Variants in BICC1 observed in about 807,000 individuals in gnomAD.
BICC1 encodes the protein BicC family RNA binding protein 1.
A neutral mutation model predicts 111.0 loss-of-function variants in BICC1; 43 were observed. That is an observed-to-expected ratio of 0.39 (90% CI 0.30 to 0.50). BICC1 has a LOEUF of 0.50. Ranked by LOEUF, BICC1 falls within the 20% of genes least tolerant of loss-of-function variation. BICC1 has a pLI of 0.88. For missense variants in BICC1, 1,091 were observed against 1,203.2 expected, an observed-to-expected ratio of 0.91 and a Z score of 1.38; for synonymous variants, 467 against 434.4, an observed-to-expected ratio of 1.07 and a Z score of -0.93.
At position 58,817,722 on chromosome 10, in the gene BICC1, G is replaced by A. The variant is rs1844139090; in HGVS notation, c.2694G>A (p.Glu898=). 1 of 1,600,394 alleles carries A rather than the reference G, an allele frequency of 6.2e-7. No individual in the cohort carries two copies. The highest frequency in any genetic ancestry group is 1.3e-5 in the African/African-American group (1 of 74,186). The change falls in exon 19 of 21, where the codon GAG becomes GAA. Residue 898 remains glutamate, a splice_region_variant and synonymous_variant. Coordinates refer to ENST00000373886, the MANE Select transcript of BICC1 (RefSeq NM_001080512.3). ...ACACAGATGTTTTCCAGCAACAAGAGGTCAGTCATTATTTATTTTCCCAAG... is the reference window on the plus strand; with the variant it reads ...ACACAGATGTTTTCCAGCAACAAGAAGTCAGTCATTATTTATTTTCCCAAG... ...GKYTDVFQQQ[E]IDLQTFLTLT... is the part of the protein sequence containing the mutation.
intron 2 of BICC1, among the ~76,000 whole-genome samples, chr10:58,630,910 G>A (rs1048336531): frequency 5.9e-5 from 9 of 151,944 alleles, no homozygotes; most frequent in East Asian, 3.9e-4. Context: ...GCAATACTAC[G>A]GTAAAATATT....
At chr10:58,798,321 C>A in intron 10 of BICC1, 78 bp from the exon 11 acceptor site, 2 of 1,072,174 alleles carry the variant, frequency 1.9e-6, no homozygotes, top group Non-Finnish European at 2.6e-6. Context: ...TGTGCATTCC[C>A]AATGGCAATA....
rs561800728 is a variant in BICC1, at chr10:58,582,904, T to C, written c.191-37951T>C. 2.0e-4 allele frequency among the ~76,000 whole-genome samples: 30 copies of C among 152,300 alleles called. No individual in the cohort carries two copies. In the East Asian group the frequency reaches 5.0e-3, roughly 25 times the overall value. On this transcript the variant is annotated intron_variant, in intron 1 of 20. Coordinates refer to ENST00000373886, the MANE Select transcript of BICC1 (RefSeq NM_001080512.3). ...TAATCTTATTTTTAGGCCAGCTGCT[T>C]AGCAATCTTACTTCCATCTGCAACC...
Position 58,807,112 on chromosome 10 carries a change from G to C in BICC1, c.2330G>C (p.Arg777Thr). ...MPAETIKELR[R>T]ANHVSYKPTM... Reference sequence around the variant, plus strand: ...GCTGAAACTATCAAGGAGTTGAGAAGGGCCAATCATGTGTCCTATAAGCCC... The same window carrying C: ...GCTGAAACTATCAAGGAGTTGAGAACGGCCAATCATGTGTCCTATAAGCCC... The change falls in exon 17 of 21, where the codon AGG (arginine) becomes ACG (threonine). Residue 777 changes from arginine to threonine, a missense_variant. Transcript: ENST00000373886. 2 of 1,613,902 alleles carry C rather than the reference G, an allele frequency of 1.2e-6. No individual in the cohort carries two copies. The highest frequency in any genetic ancestry group is 1.7e-6 in the Non-Finnish European group (2 of 1,179,862).
intron 3 of BICC1, among the ~76,000 whole-genome samples, chr10:58,704,192 A>G (rs1840323369): frequency 6.6e-6 from 1 of 152,212 alleles, no homozygotes; most frequent in South Asian, 2.1e-4. Context: ...CCTGGTTAAA[A>G]TTAACCTTTG....
rs1021896863 is a variant in BICC1, at chr10:58,817,453, A to G, written c.2534-109A>G. 30 of 1,201,254 alleles carry G rather than the reference A, an allele frequency of 2.5e-5. No individual in the cohort carries two copies. The African/African-American group carries it at 4.0e-4, about 16-fold the overall frequency. The allele number at this position is 1,201,254 out of a possible 1,614,324, so 74.4% of individuals were successfully genotyped here. On this transcript the variant is annotated intron_variant, in intron 18 of 20. Coordinates refer to ENST00000373886, the MANE Select transcript of BICC1 (RefSeq NM_001080512.3). Reference sequence around the variant, plus strand: ...GCTGTATTTCTACAGCTACTGCCCTATTCAGCTGAACAATGGAAGTTGAAA... The same window carrying G: ...GCTGTATTTCTACAGCTACTGCCCTGTTCAGCTGAACAATGGAAGTTGAAA...
chr10:58,816,745 C>CTGTG lies in BICC1; in HGVS notation c.2534-770_2534-767dup, dbSNP rs56310772. The stretch of plus-strand genomic sequence containing the variant: ...CTGCACTCTGCTGAAATCTCCAAGG[C>CTGTG]TGTGTGTGTGTGTGTGTGTGTGTGT... On this transcript the variant is annotated intron_variant, in intron 18 of 20. Coordinates refer to ENST00000373886, the MANE Select transcript of BICC1 (RefSeq NM_001080512.3). Among the ~76,000 whole-genome samples, 595 of 122,132 alleles carry CTGTG rather than the reference C, an allele frequency of 4.9e-3. 5 individuals are homozygous for CTGTG. The highest frequency in any genetic ancestry group is 0.012 in the African/African-American group (385 of 31,828). 80.1% of individuals were successfully genotyped at this position (122,132 alleles called of 152,430 possible).
intron 20 of BICC1, chr10:58,823,227 T>C: frequency 2.0e-6 from 2 of 985,260 alleles, no homozygotes; most frequent in Non-Finnish European, 1.2e-6. Flanking sequence ...TTCTTTTAGT[T>C]TGTGACTCTG....
chr10:58,799,334 A>AAT, intron 12 of BICC1, 82 bp downstream of exon 12: 1 of 1,132,718 alleles, frequency 8.8e-7, no homozygotes, highest in Admixed American at 2.5e-5. Context: ...AACATGCTAG[A>AAT]ATGTGTGTGT....
At chr10:58,624,672 T>TA (rs1845931240) in intron 2 of BICC1, among the ~76,000 whole-genome samples, 2 of 152,172 alleles carry the variant, frequency 1.3e-5, no homozygotes, top group Non-Finnish European at 2.9e-5. Flanking sequence ...CAGCTCACTG[T>TA]AACCCCTGCC....
intron 3 of BICC1, among the ~76,000 whole-genome samples, chr10:58,739,652 T>C (rs1425729503): frequency 6.6e-6 from 1 of 152,208 alleles, no homozygotes; most frequent in East Asian, 1.9e-4. Flanking sequence ...AAATTTTAAC[T>C]GAACACTTTT....
intron 1 of BICC1, among the ~76,000 whole-genome samples, chr10:58,562,138 C>T (rs565230251): frequency 1.3e-5 from 2 of 152,154 alleles, no homozygotes; most frequent in Admixed American, 6.5e-5. Context: ...TTTGAGCTAT[C>T]GTATCTTTTC....
Position 58,559,140 on chromosome 10 carries a change from C to T in BICC1, c.190+45807C>T, listed in dbSNP as rs141076242. On this transcript the variant is annotated intron_variant, in intron 1 of 20. Transcript: ENST00000373886. ...GGACTTTTACTTTCATAATTGAGCCCCGAAAAATAATGTATTTATATATAT... is the reference window on the plus strand; with the variant it reads ...GGACTTTTACTTTCATAATTGAGCCTCGAAAAATAATGTATTTATATATAT... 2.6e-5 allele frequency among the ~76,000 whole-genome samples: 4 copies of T among 151,696 alleles called. No individual in the cohort carries two copies. The East Asian group carries it at 7.8e-4, about 29-fold the overall frequency.
In BICC1 at chr10:58,831,107, A is replaced by G. The variant is rs1022443578; in HGVS notation, c.*2216A>G. 6 of 152,228 alleles carry G rather than the reference A, an allele frequency of 3.9e-5. No individual in the cohort carries two copies. Among genetic ancestry groups the G allele is most frequent in the South Asian group, 4.1e-4 (2 of 4,830 alleles). The allele number at this position is 152,228 out of a possible 1,614,324, so 9.4% of individuals were successfully genotyped here. Reference sequence around the variant, plus strand: ...TTAAGTAGGGTGGCTAAAAATAAATAAAAACACTGGAAATTCTTTCTCTCA... The same window carrying G: ...TTAAGTAGGGTGGCTAAAAATAAATGAAAACACTGGAAATTCTTTCTCTCA... On this transcript the variant is annotated 3_prime_UTR_variant, in exon 21 of 21. Transcript: ENST00000373886.
At chr10:58,660,411 G>A (rs1414331282) in intron 2 of BICC1, among the ~76,000 whole-genome samples, 11 of 114,874 alleles carry the variant, frequency 9.6e-5, no homozygotes, top group African/African-American at 3.7e-4. Flanking sequence ...GAGATTTCAG[G>A]ATTGTGTATC....
At chr10:58,635,779 CG>C (rs1345260051) in intron 2 of BICC1, among the ~76,000 whole-genome samples, 1 of 152,150 alleles carries the variant, frequency 6.6e-6, no homozygotes, top group East Asian at 1.9e-4. Flanking sequence ...AAGCCCTGAT[CG>C]TTCTTGACTC....
chr10:58,630,843 G>A (rs1837771551), intron 2 of BICC1, among the ~76,000 whole-genome samples: 2 of 152,110 alleles, frequency 1.3e-5, no homozygotes, highest in Non-Finnish European at 2.9e-5. Context: ...AAGGAGCAGT[G>A]CTCTTTATAT....
chr10:58,601,140 T>TATATATATATATATATA (rs1554810885), intron 1 of BICC1, among the ~76,000 whole-genome samples: 3 of 100,662 alleles, frequency 3.0e-5, no homozygotes, highest in Non-Finnish European at 4.0e-5. Flanking sequence ...ATTTTAAAAC[T>TATATATATATATATATA]TATATATATA....
chr10:58,753,689 G>GAC lies in BICC1; in HGVS notation c.308-31296_308-31295dup, dbSNP rs150164617. Among the ~76,000 whole-genome samples, 464 of 150,156 alleles carry GAC rather than the reference G, an allele frequency of 3.1e-3. 2 individuals carry two copies. Among genetic ancestry groups the GAC allele is most frequent in the Middle Eastern group, 0.017 (5 of 290 alleles). ...AGCTAAGTTGGAAAACACACACACA[G>GAC]ACACACACACACACACAGTCTCTTT... On this transcript the variant is annotated intron_variant, in intron 3 of 20. Coordinates refer to ENST00000373886, the MANE Select transcript of BICC1 (RefSeq NM_001080512.3).
Sources: gnomAD v4.1 joint callset for allele counts (sites outside exome capture counted in the v4.1 genomes callset) on GRCh38, gnomAD v4.1.1 for gene constraint, MANE v1.5 for transcripts, NCBI Gene and HGNC (gene_info 2026-07-23, HGNC 2026-07-21) for gene names.